The following MORC3 variants were observed in gnomAD, a reference collection of about 807,000 sequenced individuals.
MORC3 encodes MORC family CW-type zinc finger 3, also known as MORC family CW-type zinc finger protein 3.
In MORC3, 31 loss-of-function variants were observed where a neutral mutation model predicts 109.1. The ratio of observed to expected loss-of-function variants is 0.28; its 90% confidence interval spans 0.21 to 0.38. MORC3 has a LOEUF of 0.38. Ranked by LOEUF, MORC3 falls within the 10% of genes least tolerant of loss-of-function variation. The pLI, the probability that MORC3 is intolerant of heterozygous loss-of-function variation, is 1.00. For synonymous variants in MORC3, 395 were observed against 380.7 expected, an observed-to-expected ratio of 1.04 and a Z score of -0.44; for missense variants, 867 against 1,135.8, an observed-to-expected ratio of 0.76 and a Z score of 3.40.
intron 6 of MORC3, among the ~76,000 whole-genome samples, chr21:36,343,424 A>T (rs2085473057): frequency 6.7e-6 from 1 of 149,070 alleles, no homozygotes. Flanking sequence ...TTTTGATAAG[A>T]CATGTGATAC....
intron 3 of MORC3, 65 bp from the exon 4 acceptor site, chr21:36,337,667 A>C: frequency 1.0e-5 from 10 of 994,434 alleles, no homozygotes; most frequent in Non-Finnish European, 1.3e-5. Context: ...GATTATAGGT[A>C]TTTATTTATT....
chr21:36,364,047 A>T, intron 13 of MORC3, 46 bp from the exon 14 acceptor site: 10 of 1,576,474 alleles, frequency 6.3e-6, no homozygotes, highest in Non-Finnish European at 6.9e-6. Context: ...TGGGCATGTC[A>T]CACTAGAAAT....
chr21:36,320,447 C>A, intron 1 of MORC3, 144 bp downstream of exon 1: 1 of 750,844 alleles, frequency 1.3e-6, no homozygotes, highest in Non-Finnish European at 1.8e-6. Context: ...GGGCGGCCAT[C>A]TCGCTCCCGT....
chr21:36,357,978 T>A (rs556336454), intron 10 of MORC3, among the ~76,000 whole-genome samples: 5 of 151,332 alleles, frequency 3.3e-5, no homozygotes, highest in Admixed American at 2.6e-4. Flanking sequence ...TGACCTCAGG[T>A]GATCTGCCTG....
chr21:36,356,350 T>C (rs2085645080), intron 9 of MORC3, among the ~76,000 whole-genome samples: 1 of 152,204 alleles, frequency 6.6e-6, no homozygotes, highest in Admixed American at 6.6e-5. Context: ...ATTCTTAATT[T>C]TTTGGATATT....
chr21:36,341,886 G>A (rs2085451716), intron 6 of MORC3, among the ~76,000 whole-genome samples: 1 of 152,120 alleles, frequency 6.6e-6, no homozygotes, highest in Admixed American at 6.6e-5. Context: ...GTCAGTATAT[G>A]GTGGCCAGAC....
intron 1 of MORC3, among the ~76,000 whole-genome samples, chr21:36,332,917 A>G (rs2085332399): frequency 6.6e-6 from 1 of 151,554 alleles, no homozygotes; most frequent in African/African-American, 2.4e-5. Context: ...CCTCCCGAGT[A>G]GCTGGGACTA....
At chr21:36,356,855 G>A (rs1164353380) in intron 10 of MORC3, 131 bp downstream of exon 10, 7 of 512,466 alleles carry the variant, frequency 1.4e-5, no homozygotes, top group Non-Finnish European at 2.4e-5. Flanking sequence ...ACATGAATTA[G>A]CGCACTGCAA....
chr21:36,358,941 A>G (rs138362737), intron 10 of MORC3, among the ~76,000 whole-genome samples: 3,010 of 152,208 alleles, frequency 0.02, 54 homozygotes, highest in Admixed American at 0.043. Context: ...AGCCTCCCAA[A>G]GTGCTGGGAT....
chr21:36,334,131 T>G (rs1251163275), intron 2 of MORC3, among the ~76,000 whole-genome samples: 1 of 152,016 alleles, frequency 6.6e-6, no homozygotes, highest in East Asian at 1.9e-4. Context: ...GGTGCAGGCC[T>G]GTGGTCCCGG....
intron 1 of MORC3, among the ~76,000 whole-genome samples, chr21:36,329,838 C>CT (rs2085294070): frequency 6.6e-6 from 1 of 152,088 alleles, no homozygotes; most frequent in South Asian, 2.1e-4. Context: ...CCTCTTTTCC[C>CT]TTTTTTCTTT....
intron 9 of MORC3, among the ~76,000 whole-genome samples, chr21:36,356,106 A>G (rs960782312): frequency 3.3e-5 from 5 of 152,194 alleles, no homozygotes; most frequent in Admixed American, 6.5e-5. Flanking sequence ...GGAGGTGGCT[A>G]TGAAATTACT....
intron 9 of MORC3, among the ~76,000 whole-genome samples, chr21:36,354,931 T>G (rs886450895): frequency 6.6e-6 from 1 of 152,214 alleles, no homozygotes; most frequent in African/African-American, 2.4e-5. Flanking sequence ...CTCTACCTTT[T>G]TTTTCCTGTA....
chr21:36,370,716 A>G (rs1317511055), intron 15 of MORC3, among the ~76,000 whole-genome samples: 3 of 127,486 alleles, frequency 2.4e-5, no homozygotes, highest in African/African-American at 9.1e-5. Context: ...CCCAGGCTGG[A>G]GTGAGTGCAG....
intron 9 of MORC3, among the ~76,000 whole-genome samples, chr21:36,355,792 G>GAA (rs1203624087): frequency 9.2e-4 from 126 of 136,704 alleles, no homozygotes; most frequent in African/African-American, 3.2e-3. Flanking sequence ...TACAAAAAAT[G>GAA]AAAAAAAAAA....
intron 14 of MORC3, among the ~76,000 whole-genome samples, chr21:36,365,103 A>G (rs1416160304): frequency 1.3e-5 from 2 of 151,464 alleles, no homozygotes; most frequent in Non-Finnish European, 2.9e-5. Flanking sequence ...CACTATAGTG[A>G]CCCAGAAGTT....
Position 36,353,173 on chromosome 21 carries a change from A to G in MORC3, c.1104-3447A>G, listed in dbSNP as rs192379882. 1.9e-3 allele frequency among the ~76,000 whole-genome samples: 290 copies of G among 151,198 alleles called. 2 individuals carry two copies. The East Asian group carries it at 0.042, about 22-fold the overall frequency. On this transcript the variant is annotated intron_variant, in intron 9 of 16. Transcript: ENST00000400485. The stretch of plus-strand genomic sequence containing the variant: ...GGAGATCGAGACCATCCTGGCTAAC[A>G]TGGTGAAACCCAGTCTCTACTAAAA...
At chr21:36,355,065 T>A (rs1271450277) in intron 9 of MORC3, among the ~76,000 whole-genome samples, 1 of 152,240 alleles carries the variant, frequency 6.6e-6, no homozygotes, top group Non-Finnish European at 1.5e-5. Context: ...CAGCTTTTTC[T>A]GTACTTAATA....
chr21:36,368,958 CTTATGTT>C (rs1405028634), intron 14 of MORC3, 23 bp from the exon 15 acceptor site: 12 of 1,515,302 alleles, frequency 7.9e-6, no homozygotes, highest in Non-Finnish European at 1.1e-5. Context: ...ATTTTATAAT[CTTATGTT>C]TTATGTATAA....
Sources: allele counts gnomAD v4.1 joint callset (sites outside exome capture counted in the v4.1 genomes callset), GRCh38; gene constraint gnomAD v4.1.1; transcripts MANE v1.5; gene names NCBI Gene and HGNC (gene_info 2026-07-23, HGNC 2026-07-21).